MGMT: variants seen among roughly 807,000 people sequenced by gnomAD.
MGMT encodes the protein methylated-DNA--protein-cysteine methyltransferase.
A neutral mutation model predicts 15.9 loss-of-function variants in MGMT; 14 were observed. The observed-to-expected ratio is 0.88, with a 90% CI of 0.58 to 1.37. The LOEUF (loss-of-function observed/expected upper bound fraction) is 1.37, where lower values mean the gene tolerates loss of function less well. MGMT is among the 40% of genes most tolerant of loss of function. The pLI is 0.00. For missense variants in MGMT, 282 were observed against 268.1 expected (o/e 1.05, Z -0.36); for synonymous variants, 130 against 118.2 (o/e 1.10, Z -0.65).
At chr10:129,612,571 C>T (rs973845423) in intron 2 of MGMT, among the ~76,000 whole-genome samples, 4 of 152,194 alleles carry the variant, frequency 2.6e-5, no homozygotes, top group Non-Finnish European at 5.9e-5. Flanking sequence ...GGGCTTGGGC[C>T]GTCCAGTGTC....
chr10:129,719,565 TC>T (rs1295222542), intron 3 of MGMT, among the ~76,000 whole-genome samples: 1 of 152,126 alleles, frequency 6.6e-6, no homozygotes, highest in East Asian at 1.9e-4. Flanking sequence ...GATGGCCGTC[TC>T]CTTGCTGCGT....
At position 129,553,966 on chromosome 10, in the gene MGMT, ACT is replaced by A. The variant is rs564058352; in HGVS notation, c.125+17593_125+17594del. ...TGATACAAAGAGCAGCATGAGGAAG[ACT>A]CTCCCGGCTCCCCAGTCTGCGGACA... On this transcript the variant is annotated intron_variant, in intron 2 of 4. Transcript: ENST00000651593. Among the ~76,000 whole-genome samples the A allele has an allele frequency of 3.9e-5, 6 of 152,026 alleles. No individual in the cohort carries two copies. In the South Asian group the frequency reaches 1.0e-3, roughly 26 times the overall value.
chr10:129,620,380 C>T (rs1412822231), intron 2 of MGMT, among the ~76,000 whole-genome samples: 1 of 152,164 alleles, frequency 6.6e-6, no homozygotes, highest in African/African-American at 2.4e-5. Flanking sequence ...CAGGTCTTCC[C>T]TATCTTCTGA....
chr10:129,542,562 C>T (rs143471302), intron 2 of MGMT, among the ~76,000 whole-genome samples: 13 of 152,262 alleles, frequency 8.5e-5, no homozygotes, highest in African/African-American at 2.4e-4. Context: ...CTTTTACCTG[C>T]GGCAAGTTCG....
chr10:129,706,308 C>T (rs537945616), intron 2 of MGMT, among the ~76,000 whole-genome samples: 2 of 152,350 alleles, frequency 1.3e-5, no homozygotes, highest in African/African-American at 2.4e-5. Flanking sequence ...ACGGTGCTCC[C>T]GGCTGCATCG....
intron 2 of MGMT, among the ~76,000 whole-genome samples, chr10:129,644,641 C>T (rs1847365843): frequency 1.3e-5 from 2 of 152,186 alleles, no homozygotes; most frequent in African/African-American, 4.8e-5. Context: ...CCCTTTCAGA[C>T]ACGCATTCAT....
chr10:129,564,382 C>T (rs116961232), intron 2 of MGMT, among the ~76,000 whole-genome samples: 1,101 of 46,448 alleles, frequency 0.024, 40 homozygotes, highest in Non-Finnish European at 0.037. Context: ...TCCTTCCTCT[C>T]CCCTCCCCCT....
chr10:129,766,412 C>T (rs1463192732), intron 4 of MGMT, among the ~76,000 whole-genome samples: 1 of 152,188 alleles, frequency 6.6e-6, no homozygotes, highest in African/African-American at 2.4e-5. Flanking sequence ...TGTTTGAGAG[C>T]GTCACATACC....
intron 2 of MGMT, among the ~76,000 whole-genome samples, chr10:129,696,923 A>G (rs1368108680): frequency 1.3e-5 from 2 of 152,244 alleles, no homozygotes; most frequent in East Asian, 3.8e-4. Context: ...GAGGGTTGAC[A>G]GTAGGGGACA....
At chr10:129,675,873 C>T (rs576401781) in intron 2 of MGMT, among the ~76,000 whole-genome samples, 2 of 152,148 alleles carry the variant, frequency 1.3e-5, no homozygotes, top group East Asian at 1.9e-4. Flanking sequence ...GCCACCACCC[C>T]CTCCTCACAA....
intron 1 of MGMT, among the ~76,000 whole-genome samples, chr10:129,509,446 T>G (rs1037683790): frequency 1.3e-4 from 20 of 152,206 alleles, no homozygotes; most frequent in African/African-American, 4.3e-4. Context: ...ACATTCGGAT[T>G]TCCTTGTGTC....
At chr10:129,518,466 G>T (rs866784336) in intron 1 of MGMT, among the ~76,000 whole-genome samples, 17 of 32,692 alleles carry the variant, frequency 5.2e-4, no homozygotes, top group South Asian at 1.1e-3. Context: ...CAGCAAGACT[G>T]CCCCTGCCCC....
chr10:129,534,868 C>T (rs994823947), intron 1 of MGMT, among the ~76,000 whole-genome samples: 2 of 151,964 alleles, frequency 1.3e-5, no homozygotes, highest in African/African-American at 2.4e-5. Context: ...TCCAGGGGTC[C>T]GCAGGCCTTT....
intron 3 of MGMT, among the ~76,000 whole-genome samples, chr10:129,749,427 A>C (rs1427562781): frequency 6.6e-6 from 1 of 152,124 alleles, no homozygotes; most frequent in Non-Finnish European, 1.5e-5. Flanking sequence ...TTAGCAATAT[A>C]CATTTAGTTT....
intron 3 of MGMT, among the ~76,000 whole-genome samples, chr10:129,715,277 G>A (rs749180758): frequency 9.9e-5 from 15 of 152,198 alleles, no homozygotes; most frequent in East Asian, 1.9e-4. Flanking sequence ...TTAAGTCATC[G>A]TAATTATGTG....
intron 1 of MGMT, among the ~76,000 whole-genome samples, chr10:129,514,516 A>G (rs1042407410): frequency 2.6e-5 from 4 of 152,244 alleles, no homozygotes; most frequent in Admixed American, 6.5e-5. Context: ...TTAAACCACT[A>G]TAATTTCTCC....
intron 1 of MGMT, among the ~76,000 whole-genome samples, chr10:129,485,570 A>G (rs1350021498): frequency 6.6e-6 from 1 of 152,254 alleles, no homozygotes; most frequent in Non-Finnish European, 1.5e-5. Flanking sequence ...CTCAAAGCTG[A>G]TGCTCAAAGG....
At chr10:129,549,801 A>G (rs1223440443) in intron 2 of MGMT, among the ~76,000 whole-genome samples, 2 of 152,204 alleles carry the variant, frequency 1.3e-5, no homozygotes, top group African/African-American at 4.8e-5. Context: ...CGTCTGCTGC[A>G]CTCAGCCCAA....
chr10:129,521,962 C>T (rs1253895547), intron 1 of MGMT, among the ~76,000 whole-genome samples: 1 of 152,192 alleles, frequency 6.6e-6, no homozygotes, highest in South Asian at 2.1e-4. Flanking sequence ...GTGCAGGGCA[C>T]GCAGGGCCGA....
Sources: allele counts gnomAD v4.1 joint callset (sites outside exome capture counted in the v4.1 genomes callset), GRCh38; gene constraint gnomAD v4.1.1; transcripts MANE v1.5; gene names NCBI Gene and HGNC (gene_info 2026-07-23, HGNC 2026-07-21).